EYA1: variants seen among roughly 807,000 people sequenced by gnomAD.
EYA1 encodes EYA transcriptional coactivator and phosphatase 1, also known as protein phosphatase EYA1.
EYA1 carries 16 observed loss-of-function variants against 82.0 expected under a neutral mutation model. The observed-to-expected ratio is 0.20, with a 90% CI of 0.13 to 0.30. EYA1 has a LOEUF of 0.30. Among genes scored for constraint, EYA1 ranks in the 10% least tolerant of loss-of-function variants. The probability of loss-of-function intolerance (pLI) is 1.00; values close to 1 mark genes in which losing one functional copy is unlikely to be tolerated. For synonymous variants in EYA1, 261 were observed against 264.4 expected (o/e 0.99, Z 0.12); for missense variants, 633 against 730.7 (o/e 0.87, Z 1.54).
intron 2 of EYA1, among the ~76,000 whole-genome samples, chr8:71,505,001 T>G (rs961709701): frequency 2.6e-5 from 4 of 152,146 alleles, no homozygotes; most frequent in Admixed American, 6.5e-5. Context: ...GGTTTTGCCA[T>G]GTTGGCCAGG....
At chr8:71,362,337 G>T, upstream of EYA1, 3 of 382,086 alleles carry the variant, frequency 7.9e-6, no homozygotes, top group Non-Finnish European at 7.2e-6. Flanking sequence ...TGAATAAACA[G>T]CTGTGTGAGA....
At chr8:71,354,171 T>C (rs1826605250) in intron 3 of EYA1, among the ~76,000 whole-genome samples, 1 of 152,094 alleles carries the variant, frequency 6.6e-6, no homozygotes, top group African/African-American at 2.4e-5. Context: ...ACAGAAATAA[T>C]TGTAATTGTT....
chr8:71,464,242 CAA>C (rs1290715874), intron 2 of EYA1, among the ~76,000 whole-genome samples: 2 of 152,184 alleles, frequency 1.3e-5, no homozygotes, highest in African/African-American at 4.8e-5. Flanking sequence ...CTCTAAGTGA[CAA>C]GTTTCACACC....
chr8:71,380,460 C>T (rs1586590948), intron 2 of EYA1, among the ~76,000 whole-genome samples: 1 of 152,108 alleles, frequency 6.6e-6, no homozygotes, highest in South Asian at 2.1e-4. Context: ...CCACGCATGC[C>T]ATCTAGCATA....
chr8:71,437,684 A>C (rs1397534317), intron 2 of EYA1, among the ~76,000 whole-genome samples: 1 of 152,062 alleles, frequency 6.6e-6, no homozygotes, highest in Non-Finnish European at 1.5e-5. Context: ...AAGCCCAACA[A>C]ATTTTATTTG....
At chr8:71,354,939 A>T in intron 2 of EYA1, 30 bp from the exon 3 acceptor site, 2 of 1,609,682 alleles carry the variant, frequency 1.2e-6, no homozygotes, top group Non-Finnish European at 1.7e-6. Context: ...CATTTGACAG[A>T]TGTACCAAAT....
At chr8:71,375,627 A>G (rs567496057) in intron 2 of EYA1, among the ~76,000 whole-genome samples, 20 of 152,138 alleles carry the variant, frequency 1.3e-4, no homozygotes, top group Non-Finnish European at 8.8e-5. Context: ...TCCCCTCTAC[A>G]TAACTTTTTT....
chr8:71,497,577 G>C (rs1277131640), intron 2 of EYA1, among the ~76,000 whole-genome samples: 3 of 151,992 alleles, frequency 2.0e-5, no homozygotes, highest in Non-Finnish European at 4.4e-5. Context: ...ATAAGTGTTG[G>C]TAAGAATGTG....
chr8:71,399,473 A>T (rs138434629), intron 2 of EYA1, among the ~76,000 whole-genome samples: 2 of 152,156 alleles, frequency 1.3e-5, no homozygotes, highest in African/African-American at 2.4e-5. Flanking sequence ...CTTATGTGAC[A>T]TATCTTTGTT....
intron 2 of EYA1, among the ~76,000 whole-genome samples, chr8:71,405,625 C>G (rs777593366): frequency 7.2e-5 from 11 of 152,158 alleles, no homozygotes; most frequent in Admixed American, 2.0e-4. Context: ...AATGAATGCA[C>G]GCTAAGCCAC....
intron 16 of EYA1, among the ~76,000 whole-genome samples, chr8:71,214,896 A>T (rs567175501): frequency 3.9e-5 from 6 of 152,134 alleles, no homozygotes; most frequent in Non-Finnish European, 8.8e-5. Flanking sequence ...TTTTCCTCCC[A>T]ACTATGTTTC....
intron 12 of EYA1, among the ~76,000 whole-genome samples, chr8:71,239,959 G>C (rs893640331): frequency 1.3e-5 from 2 of 152,086 alleles, no homozygotes; most frequent in Admixed American, 1.3e-4. Flanking sequence ...TGAAATCGAA[G>C]TTTCTTAACA....
rs192272727 is a variant in EYA1 at position 71,349,224 on chromosome 8, C to T, written c.124+5558G>A. ...CCAGAACTTCAAGACCGGACTATAA[C>T]CACCCTGAGGAGTCATCCTTATAAT... On this transcript the variant is annotated intron_variant, in intron 3 of 17. Coordinates refer to ENST00000340726, the MANE Select transcript of EYA1 (RefSeq NM_000503.6). Among the ~76,000 whole-genome samples the T allele has an allele frequency of 2.3e-3, 357 of 152,298 alleles. 2 individuals carry two copies. The highest frequency in any genetic ancestry group is 4.0e-3 in the Non-Finnish European group (269 of 68,030).
chr8:71,425,993 T>C (rs1805203824), intron 2 of EYA1, among the ~76,000 whole-genome samples: 1 of 152,206 alleles, frequency 6.6e-6, no homozygotes, highest in Non-Finnish European at 1.5e-5. Flanking sequence ...ATGAGGCTGA[T>C]AGAACCTTGT....
intron 12 of EYA1, among the ~76,000 whole-genome samples, chr8:71,219,222 T>C (rs532314882): frequency 1.3e-5 from 2 of 152,308 alleles, no homozygotes; most frequent in African/African-American, 4.8e-5. Flanking sequence ...TATTGTTCAA[T>C]CTCTAGCTTA....
intron 2 of EYA1, among the ~76,000 whole-genome samples, chr8:71,504,134 G>T (rs1812014533): frequency 6.6e-6 from 1 of 152,000 alleles, no homozygotes; most frequent in South Asian, 2.1e-4. Flanking sequence ...TTTCTGGTTG[G>T]AAGACAAAAT....
chr8:71,498,265 CA>C (rs749082998), intron 2 of EYA1, among the ~76,000 whole-genome samples: 1 of 152,136 alleles, frequency 6.6e-6, no homozygotes, highest in Non-Finnish European at 1.5e-5. Flanking sequence ...TGGAGTTCCT[CA>C]TTCCACAATG....
chr8:71,233,245 T>C (rs1382208009), intron 12 of EYA1, among the ~76,000 whole-genome samples: 3 of 152,210 alleles, frequency 2.0e-5, no homozygotes, highest in African/African-American at 7.2e-5. Flanking sequence ...GTTGAAATTA[T>C]TTCTGTATCA....
upstream of EYA1, among the ~76,000 whole-genome samples, chr8:71,363,569 C>A (rs1827568073): frequency 1.3e-5 from 2 of 152,152 alleles, no homozygotes; most frequent in African/African-American, 4.8e-5. Context: ...TTCATATATG[C>A]AGCAGAAATA....
Sources: gnomAD v4.1 joint callset for allele counts (sites outside exome capture counted in the v4.1 genomes callset) on GRCh38, gnomAD v4.1.1 for gene constraint, MANE v1.5 for transcripts, NCBI Gene and HGNC (gene_info 2026-07-23, HGNC 2026-07-21) for gene names.